The following ANKRD28 variants were observed in gnomAD, a reference collection of about 807,000 sequenced individuals.
The protein encoded by ANKRD28 is ankyrin repeat domain 28.
In ANKRD28, 44 loss-of-function variants were observed where a neutral mutation model predicts 126.5. The ratio of observed to expected loss-of-function variants is 0.35; its 90% confidence interval spans 0.27 to 0.45. The LOEUF (loss-of-function observed/expected upper bound fraction) is 0.45. Among genes scored for constraint, ANKRD28 ranks in the 20% least tolerant of loss-of-function variants. ANKRD28 has a pLI of 1.00. For missense variants in ANKRD28, 1,110 were observed against 1,316.6 expected (o/e 0.84, Z 2.43); for synonymous variants, 442 against 468.5 (o/e 0.94, Z 0.73).
At chr3:15,767,567 G>A (rs944273081) in intron 2 of ANKRD28, among the ~76,000 whole-genome samples, 1 of 151,748 alleles carries the variant, frequency 6.6e-6, no homozygotes, top group Non-Finnish European at 1.5e-5. Context: ...CAACTTAAAA[G>A]ACAACTACTC....
intron 6 of ANKRD28, among the ~76,000 whole-genome samples, chr3:15,734,744 G>C (rs537036932): frequency 6.6e-6 from 1 of 152,160 alleles, no homozygotes; most frequent in Non-Finnish European, 1.5e-5. Flanking sequence ...TGCTGTTTTT[G>C]TGCATTTAAA....
chr3:15,789,443 A>G (rs554298733), intron 2 of ANKRD28, among the ~76,000 whole-genome samples: 340 of 145,424 alleles, frequency 2.3e-3, no homozygotes, highest in Non-Finnish European at 3.8e-3. Flanking sequence ...TTTTTAAAAA[A>G]AAAAGAAAAG....
At chr3:15,723,621 T>C (rs1363276675) in intron 7 of ANKRD28, among the ~76,000 whole-genome samples, 1 of 151,730 alleles carries the variant, frequency 6.6e-6, no homozygotes, top group East Asian at 2.0e-4. Context: ...CAAGACCTCA[T>C]CTCTACAAAA....
At chr3:15,834,638 G>C (rs1317085352) in intron 1 of ANKRD28, among the ~76,000 whole-genome samples, 1 of 152,160 alleles carries the variant, frequency 6.6e-6, no homozygotes, top group East Asian at 1.9e-4. Context: ...CAAGACTGGA[G>C]AAGGGGACAT....
intron 2 of ANKRD28, among the ~76,000 whole-genome samples, chr3:15,770,847 A>C (rs2058963095): frequency 6.6e-6 from 1 of 152,222 alleles, no homozygotes; most frequent in South Asian, 2.1e-4. Flanking sequence ...GAAGATTAAC[A>C]TGGCAGTTCC....
intron 21 of ANKRD28, chr3:15,684,502 A>G (rs2067883445): frequency 6.6e-6 from 1 of 152,218 alleles, no homozygotes; most frequent in Non-Finnish European, 1.5e-5. Flanking sequence ...TGCTCAGAAA[A>G]CATACATAGA....
At chr3:15,670,815 A>G (rs56188176) in intron 27 of ANKRD28, among the ~76,000 whole-genome samples, 3,711 of 152,338 alleles carry the variant, frequency 0.024, 163 homozygotes, top group African/African-American at 0.082. Flanking sequence ...CCAAGGTCTC[A>G]CAACTTATCC....
At chr3:15,783,235 C>T (rs1288358525) in intron 2 of ANKRD28, among the ~76,000 whole-genome samples, 1 of 151,610 alleles carries the variant, frequency 6.6e-6, no homozygotes, top group Non-Finnish European at 1.5e-5. Context: ...AAAAAACTCA[C>T]AAGAACATTT....
In ANKRD28 at chr3:15,851,078, C is replaced by T. The variant is rs141426092; in HGVS notation, c.27+8299G>A. ...AAAACTGAAATGTGACACATTTGCT[C>T]ACAAAAGCATTCTATGTTGTCAGAT... On this transcript the variant is annotated intron_variant, in intron 1 of 27. Transcript: ENST00000399451. Among the ~76,000 whole-genome samples the T allele has an allele frequency of 1.1e-4, 16 of 152,300 alleles. No homozygotes were observed. The East Asian group carries it at 2.9e-3, about 28-fold the overall frequency.
intron 1 of ANKRD28, among the ~76,000 whole-genome samples, chr3:15,805,924 A>T (rs2060567454): frequency 6.6e-6 from 1 of 152,188 alleles, no homozygotes. Context: ...AACTGCATAC[A>T]TCACTTCCGT....
At chr3:15,709,621 T>A in intron 13 of ANKRD28, 47 bp downstream of exon 13, 1 of 1,325,176 alleles carries the variant, frequency 7.5e-7, no homozygotes, top group East Asian at 2.5e-5. Context: ...GTCAATCAAG[T>A]TATTAAGTAA....
At chr3:15,673,498 G>A (rs2066590010) in intron 27 of ANKRD28, among the ~76,000 whole-genome samples, 1 of 152,174 alleles carries the variant, frequency 6.6e-6, no homozygotes, top group African/African-American at 2.4e-5. Context: ...CACTTTAGTG[G>A]AGAAGACACA....
chr3:15,856,877 G>C (rs2061780399), intron 1 of ANKRD28, among the ~76,000 whole-genome samples: 1 of 152,160 alleles, frequency 6.6e-6, no homozygotes, highest in Non-Finnish European at 1.5e-5. Flanking sequence ...AATACAAGGT[G>C]AACAGCGAAA....
At chr3:15,726,219 T>C (rs1285873977) in intron 6 of ANKRD28, among the ~76,000 whole-genome samples, 1 of 152,168 alleles carries the variant, frequency 6.6e-6, no homozygotes, top group Admixed American at 6.5e-5. Context: ...CCTCTCACTT[T>C]AAATCAAAAG....
At chr3:15,808,335 C>G (rs375577903) in intron 1 of ANKRD28, among the ~76,000 whole-genome samples, 25 of 152,316 alleles carry the variant, frequency 1.6e-4, no homozygotes, top group African/African-American at 6.0e-4. Context: ...TCACATCGAT[C>G]TTCCCACTGG....
chr3:15,698,030 A>G (rs1428997621), intron 14 of ANKRD28, among the ~76,000 whole-genome samples: 4 of 152,014 alleles, frequency 2.6e-5, no homozygotes, highest in Non-Finnish European at 4.4e-5. Context: ...AGAGGTGTTT[A>G]TAGTATTCTC....
chr3:15,749,937 T>A (rs2057758442), intron 4 of ANKRD28, among the ~76,000 whole-genome samples: 1 of 152,226 alleles, frequency 6.6e-6, no homozygotes, highest in Non-Finnish European at 1.5e-5. Flanking sequence ...TTCTTGGTTG[T>A]GTTTCTGTTT....
chr3:15,774,798 T>C (rs991513523), intron 2 of ANKRD28, among the ~76,000 whole-genome samples: 1 of 152,212 alleles, frequency 6.6e-6, no homozygotes, highest in African/African-American at 2.4e-5. Flanking sequence ...AAAGGGCTCA[T>C]ATCCAGAATA....
At position 15,679,307 on chromosome 3, in the gene ANKRD28, T is replaced by C; in HGVS notation, c.2555A>G (p.Lys852Arg). 2 of 1,613,872 alleles carry C rather than the reference T, an allele frequency of 1.2e-6. No individual in the cohort carries two copies. The highest frequency in any genetic ancestry group is 1.6e-4 in the Middle Eastern group (1 of 6,062). ...TACATAGTTGAATTCCTACCTTCCT[T>C]TTGAATCTGTGGCGTTCACAATGCT... is the stretch of plus-strand genomic sequence containing the variant. ...GASIVNATDS[K>R]GRTPLHAAAF... The change falls in exon 23 of 28, where the codon AAA (lysine) becomes AGA (arginine). Residue 852 changes from lysine (K) to arginine (R), a missense_variant. Transcript: ENST00000683139.
Sources: gnomAD v4.1 joint callset for allele counts (sites outside exome capture counted in the v4.1 genomes callset) on GRCh38, gnomAD v4.1.1 for gene constraint, MANE v1.5 for transcripts, NCBI Gene and HGNC (gene_info 2026-07-23, HGNC 2026-07-21) for gene names.